Variants in ARHGAP15 observed in about 807,000 individuals in gnomAD.
ARHGAP15 encodes rho GTPase-activating protein 15.
ARHGAP15 carries 51 observed loss-of-function variants against 63.7 expected under a neutral mutation model. The observed-to-expected ratio is 0.80, with a 90% CI of 0.64 to 1.01. ARHGAP15 has a LOEUF of 1.01. ARHGAP15 is among the 50% of genes least tolerant of loss of function. ARHGAP15 has a pLI of 0.00. For synonymous variants in ARHGAP15, 191 were observed against 193.8 expected (o/e 0.99, Z 0.12); for missense variants, 560 against 564.6 (o/e 0.99, Z 0.08).
At chr2:143,394,873 A>G (rs1012486376) in intron 6 of ARHGAP15, among the ~76,000 whole-genome samples, 1 of 152,154 alleles carries the variant, frequency 6.6e-6, no homozygotes, top group African/African-American at 2.4e-5. Flanking sequence ...GCTATGTCTT[A>G]TGAGGAGGAG....
At chr2:143,666,688 T>A (rs1574806841) in intron 12 of ARHGAP15, among the ~76,000 whole-genome samples, 1 of 121,108 alleles carries the variant, frequency 8.3e-6, no homozygotes, top group African/African-American at 3.0e-5. Flanking sequence ...AGGGCTAATA[T>A]CCAGAATCTA....
At chr2:143,446,110 G>A (rs1347864461) in intron 8 of ARHGAP15, among the ~76,000 whole-genome samples, 1 of 149,822 alleles carries the variant, frequency 6.7e-6, no homozygotes, top group South Asian at 2.1e-4. Context: ...AGTTTCTTAA[G>A]TTTCTTGAAA....
intron 6 of ARHGAP15, among the ~76,000 whole-genome samples, chr2:143,305,914 A>G (rs1199164123): frequency 1.3e-5 from 2 of 152,172 alleles, no homozygotes; most frequent in Non-Finnish European, 2.9e-5. Flanking sequence ...AAATAAAACT[A>G]GTTAATACTA....
chr2:143,379,487 A>ATATATATGTGTGTG (rs1202571594), intron 6 of ARHGAP15, among the ~76,000 whole-genome samples: 1 of 129,764 alleles, frequency 7.7e-6, no homozygotes, highest in African/African-American at 2.9e-5. Flanking sequence ...AGGCATATAT[A>ATATATATGTGTGTG]TGTGTGTGTG....
chr2:143,480,289 C>T (rs1444720892), intron 8 of ARHGAP15, among the ~76,000 whole-genome samples: 1 of 152,130 alleles, frequency 6.6e-6, no homozygotes, highest in African/African-American at 2.4e-5. Flanking sequence ...TAGACGCCAG[C>T]TGTTCACTGA....
intron 6 of ARHGAP15, among the ~76,000 whole-genome samples, chr2:143,269,428 A>AT (rs1324748526): frequency 2.6e-5 from 4 of 152,148 alleles, no homozygotes; most frequent in Non-Finnish European, 5.9e-5. Context: ...ATTTGATTGT[A>AT]TTTTTTATAA....
chr2:143,525,529 T>C (rs1013503278), intron 10 of ARHGAP15, among the ~76,000 whole-genome samples: 6 of 152,076 alleles, frequency 3.9e-5, no homozygotes, highest in Non-Finnish European at 8.8e-5. Flanking sequence ...ACAATGGAGG[T>C]GATCTTAAAG....
chr2:143,596,594 G>A (rs974882813), intron 11 of ARHGAP15, among the ~76,000 whole-genome samples: 1 of 152,024 alleles, frequency 6.6e-6, no homozygotes, highest in Non-Finnish European at 1.5e-5. Flanking sequence ...CCACCCATTT[G>A]CCTAAAATAA....
intron 8 of ARHGAP15, among the ~76,000 whole-genome samples, chr2:143,486,058 G>A (rs1044606659): frequency 6.6e-6 from 1 of 152,088 alleles, no homozygotes; most frequent in African/African-American, 2.4e-5. Context: ...AGGGAAAGCA[G>A]GATGCAAAAA....
intron 13 of ARHGAP15, 171 bp downstream of exon 13, chr2:143,703,695 G>A: frequency 1.9e-6 from 1 of 516,316 alleles, no homozygotes; most frequent in Non-Finnish European, 3.3e-6. Context: ...GGGATAGGAA[G>A]GACAATCTAC....
intron 6 of ARHGAP15, among the ~76,000 whole-genome samples, chr2:143,285,700 G>T (rs917927348): frequency 1.3e-5 from 2 of 152,040 alleles, no homozygotes; most frequent in Non-Finnish European, 2.9e-5. Context: ...TCAGTTTATT[G>T]TACTTCAGAT....
chr2:143,238,262 T>G (rs939171026), intron 5 of ARHGAP15: 1 of 152,106 alleles, frequency 6.6e-6, no homozygotes, highest in African/African-American at 2.4e-5. Flanking sequence ...ACAGACAACT[T>G]TCAGAATGGG....
At chr2:143,182,602 G>A (rs1315678599) in intron 2 of ARHGAP15, among the ~76,000 whole-genome samples, 1 of 152,094 alleles carries the variant, frequency 6.6e-6, no homozygotes, top group Admixed American at 6.5e-5. Context: ...ACTTACCCTT[G>A]CTGCCGTTCA....
intron 6 of ARHGAP15, among the ~76,000 whole-genome samples, chr2:143,346,270 A>ACACACT (rs1685296792): frequency 6.6e-6 from 1 of 151,034 alleles, no homozygotes; most frequent in South Asian, 2.1e-4. Flanking sequence ...ACACACACAC[A>ACACACT]CACACTCACA....
intron 6 of ARHGAP15, among the ~76,000 whole-genome samples, chr2:143,270,160 T>C (rs1350542055): frequency 2.0e-5 from 3 of 152,044 alleles, no homozygotes; most frequent in East Asian, 3.9e-4. Flanking sequence ...TTAGTAGAGA[T>C]GGGGTTTGCC....
intron 8 of ARHGAP15, among the ~76,000 whole-genome samples, chr2:143,486,033 T>A (rs947739629): frequency 6.6e-6 from 1 of 152,218 alleles, no homozygotes; most frequent in African/African-American, 2.4e-5. Context: ...TTGAGCCTGC[T>A]TTGTAGTCAA....
chr2:143,256,158 T>G (rs980118853), intron 6 of ARHGAP15, among the ~76,000 whole-genome samples: 2 of 152,186 alleles, frequency 1.3e-5, no homozygotes, highest in African/African-American at 4.8e-5. Flanking sequence ...GTATGTTTGT[T>G]TGAGAGCAAC....
At chr2:143,406,743 C>T (rs1040812636) in intron 6 of ARHGAP15, among the ~76,000 whole-genome samples, 9 of 151,888 alleles carry the variant, frequency 5.9e-5, no homozygotes, top group African/African-American at 2.2e-4. Flanking sequence ...TTCATATTCT[C>T]AGTGTCTTAG....
chr2:143,140,372 T>C (rs1322587260), intron 1 of ARHGAP15, among the ~76,000 whole-genome samples: 1 of 152,100 alleles, frequency 6.6e-6, no homozygotes, highest in Non-Finnish European at 1.5e-5. Context: ...TTATGAAGAA[T>C]TAATATTTAT....
Sources: allele counts gnomAD v4.1 joint callset (sites outside exome capture counted in the v4.1 genomes callset), GRCh38; gene constraint gnomAD v4.1.1; transcripts MANE v1.5; gene names NCBI Gene and HGNC (gene_info 2026-07-23, HGNC 2026-07-21).